ANKFY1: variants seen among roughly 807,000 people sequenced by gnomAD.
The protein encoded by ANKFY1 is ankyrin repeat and FYVE domain-containing protein 1.
Under a neutral mutation model 128.3 loss-of-function variants are expected in ANKFY1, and 47 were observed. The ratio of observed to expected loss-of-function variants is 0.37; its 90% CI spans 0.29 to 0.47. The LOEUF (loss-of-function observed/expected upper bound fraction) is 0.47. Among genes scored for constraint, ANKFY1 ranks in the 20% least tolerant of loss-of-function variants. The pLI is 1.00. For synonymous variants in ANKFY1, 553 were observed against 601.6 expected, an observed-to-expected ratio of 0.92 and a Z score of 1.18; for missense variants, 1,222 against 1,510.6, an observed-to-expected ratio of 0.81 and a Z score of 3.17.
chr17:4,192,617 T>C (rs959780683), intron 10 of ANKFY1, among the ~76,000 whole-genome samples: 2 of 152,222 alleles, frequency 1.3e-5, no homozygotes, highest in African/African-American at 2.4e-5. Flanking sequence ...AGACTCCTAG[T>C]TGATGGTTAA....
intron 13 of ANKFY1, 59 bp from the exon 14 acceptor site, chr17:4,183,610 A>G (rs2059556024): frequency 6.3e-7 from 1 of 1,593,686 alleles, no homozygotes; most frequent in Non-Finnish European, 8.6e-7. Context: ...TCAACATCTT[A>G]CTACAACAGC....
Position 4,181,298 on chromosome 17 carries a change from G to A in ANKFY1, c.2196C>T (p.Ala732=). The A allele has an allele frequency of 1.2e-6, 2 of 1,614,126 alleles. No homozygotes were observed. Among genetic ancestry groups the A allele is most frequent in the Non-Finnish European group, 1.7e-6 (2 of 1,179,988 alleles). The change falls in exon 16 of 25, where the codon GCC becomes GCT. Residue 732 remains alanine (A), a synonymous_variant. Coordinates refer to ENST00000341657, the MANE Select transcript of ANKFY1 (RefSeq NM_001330063.2). This position sits in a 1 kb window ranked among gnomAD's most constrained non-coding sequence, Gnocchi z 4.9. ...GGCLQTLLHR[A]IDENNEPTAC... ...CGGTGGGCTCGTTGTTTTCATCAATGGCTCTGTGCAGGAGCGTCTGAAGGC... is the reference window on the plus strand; with the variant it reads ...CGGTGGGCTCGTTGTTTTCATCAATAGCTCTGTGCAGGAGCGTCTGAAGGC...
At chr17:4,195,703 A>G (rs2304586) in intron 8 of ANKFY1, among the ~76,000 whole-genome samples, 36,659 of 152,038 alleles carry the variant, frequency 0.24, 4,935 homozygotes, top group Non-Finnish European at 0.3. Flanking sequence ...GTGATCTCAA[A>G]TACTCCCCAA....
chr17:4,258,354 T>C (rs2005251), intron 1 of ANKFY1, among the ~76,000 whole-genome samples: 79,682 of 151,774 alleles, frequency 0.53, 22,933 homozygotes, highest in East Asian at 0.8. Context: ...TGAAACCTCA[T>C]CTCTACCAAA....
At position 4,189,794 on chromosome 17, in the gene ANKFY1, C is replaced by T. The variant is rs188342441; in HGVS notation, c.1373-315G>A. 5.3e-5 allele frequency among the ~76,000 whole-genome samples: 8 copies of T among 152,202 alleles called. No homozygotes were observed. The East Asian group carries it at 7.7e-4, about 15-fold the overall frequency. On this transcript the variant is annotated intron_variant, in intron 10 of 24. Transcript: ENST00000341657. ...CAGTAGGTCCACGCCAGACAGTAAG[C>T]CCACGCCAGACAGTAGGTATCATTT...
chr17:4,202,149 TCCCAGCA>T (rs2059939019), intron 7 of ANKFY1, among the ~76,000 whole-genome samples: 1 of 152,036 alleles, frequency 6.6e-6, no homozygotes, highest in African/African-American at 2.4e-5. Flanking sequence ...CTGACTGTAA[TCCCAGCA>T]CTTTGGGAGG....
Position 4,166,230 on chromosome 17 carries a change from C to T in ANKFY1, c.*1549G>A, listed in dbSNP as rs910194155. 2.0e-5 allele frequency: 3 copies of T among 152,072 alleles called. No individual in the cohort carries two copies. Among genetic ancestry groups the T allele is most frequent in the African/African-American group, 7.2e-5 (3 of 41,398 alleles). The allele number at this position is 152,072 out of a possible 1,614,324, so 9.4% of individuals were successfully genotyped here. On this transcript the variant is annotated 3_prime_UTR_variant, in exon 25 of 25. Transcript: ENST00000341657. ...GGCAACAGAATGTATAAATCTACCG[C>T]AATACAGAGGACACACTATCCAGAA...
In ANKFY1 at chr17:4,242,238, G is replaced by A; in HGVS notation, c.203+18C>T. The stretch of plus-strand genomic sequence containing the variant: ...GGAATAAAGCCAAAGGGCCTTCTGT[G>A]TCTAGGAGCTCTCCCACCTGTACTG... On this transcript the variant is annotated intron_variant, in intron 2 of 24. Coordinates refer to ENST00000341657, the MANE Select transcript of ANKFY1 (RefSeq NM_001330063.2). The A allele has an allele frequency of 6.6e-7, 1 of 1,508,502 alleles. No homozygotes were observed. Among genetic ancestry groups the A allele is most frequent in the South Asian group, 1.3e-5 (1 of 76,636 alleles). 93.4% of individuals were successfully genotyped at this position (1,508,502 alleles called of 1,614,324 possible). A position where few individuals can be genotyped will look rare whatever the true frequency, so the allele number is the denominator to read the frequency against.
chr17:4,179,488 G>C (rs1372517793), intron 17 of ANKFY1: 1 of 581,982 alleles, frequency 1.7e-6, no homozygotes, highest in Non-Finnish European at 3.0e-6. Flanking sequence ...TGTAACTAAG[G>C]GGGAATAGGA....
rs1483255719 is a variant in ANKFY1 at position 4,166,364 on chromosome 17, T to C, written c.*1415A>G. Reference sequence around the variant, plus strand: ...AGTGGTTATTAAATGTCTGAAAGAATCAGTATGTATGATTGAGATTGTTAA... The same window carrying C: ...AGTGGTTATTAAATGTCTGAAAGAACCAGTATGTATGATTGAGATTGTTAA... On this transcript the variant is annotated 3_prime_UTR_variant, in exon 25 of 25. Coordinates refer to ENST00000341657, the MANE Select transcript of ANKFY1 (RefSeq NM_001330063.2). The C allele has an allele frequency of 2.0e-5, 3 of 152,790 alleles. No individual in the cohort carries two copies. The East Asian group carries it at 5.8e-4, about 29-fold the overall frequency. The allele number at this position is 152,790 out of a possible 1,614,324, so 9.5% of individuals were successfully genotyped here.
intron 3 of ANKFY1, among the ~76,000 whole-genome samples, chr17:4,230,964 G>A (rs959993584): frequency 2.0e-5 from 3 of 152,012 alleles, no homozygotes; most frequent in African/African-American, 7.2e-5. Flanking sequence ...ACTAATTATA[G>A]GCCCTATTTT....
chr17:4,184,899 T>C lies in ANKFY1; in HGVS notation c.1618A>G (p.Ser540Gly), dbSNP rs374369543. The part of the protein sequence containing the change: ...EAASLTSLAD[S>G]VHLQTPLHMA... ...TGCAGTGGCGTCTGCAGATGGACGC[T>C]GTCCGCCAAGCTGGTCAGGGATGCG... Residue 540 changes from serine to glycine, a missense_variant, in exon 12 of 25, where the codon AGC (serine) becomes GGC (glycine). Physicochemically the swap from Ser to Gly is moderately conservative, Grantham distance 56. Coordinates refer to ENST00000341657, the MANE Select transcript of ANKFY1 (RefSeq NM_001330063.2). 2.4e-5 allele frequency: 38 copies of C among 1,613,984 alleles called. No homozygotes were observed. The African/African-American group carries it at 4.8e-4, about 20-fold the overall frequency.
chr17:4,223,667 T>C (rs1295280531), intron 3 of ANKFY1: 4 of 1,600,644 alleles, frequency 2.5e-6, no homozygotes, highest in Non-Finnish European at 3.4e-6. Context: ...GATGGCCGCA[T>C]ACCTGAAAGA....
chr17:4,172,207 G>T (rs2059334276), intron 22 of ANKFY1, among the ~76,000 whole-genome samples: 2 of 152,168 alleles, frequency 1.3e-5, no homozygotes, highest in African/African-American at 4.8e-5. Flanking sequence ...TCCTTTTGAA[G>T]ATCCTGTGAG....
chr17:4,170,787 C>A lies in ANKFY1; in HGVS notation c.3214G>T (p.Val1072Leu). Residue 1072 changes from valine (V) to leucine (L), a missense_variant, in exon 23 of 25, where the codon GTG becomes TTG. By Grantham distance (32) the Val-to-Leu change is conservative (BLOSUM62 1). Coordinates refer to ENST00000341657, the MANE Select transcript of ANKFY1 (RefSeq NM_001330063.2). Reference sequence around the variant, plus strand: ...ATGTTGACTCCCTGGTTGTTATTCACCCCGAGGCGAGCCCCCGACCGGACG... The same window carrying A: ...ATGTTGACTCCCTGGTTGTTATTCAACCCGAGGCGAGCCCCCGACCGGACG... ...AIVRSGARLGVNNNQGVNIFN... is the reference protein window; with the variant it reads ...AIVRSGARLGLNNNQGVNIFN... 6.2e-7 allele frequency: 1 copy of A among 1,614,158 alleles called. No homozygotes were observed. The highest frequency in any genetic ancestry group is 8.5e-7 in the Non-Finnish European group (1 of 1,180,020).
chr17:4,262,532 A>G (rs991367402), intron 1 of ANKFY1, among the ~76,000 whole-genome samples: 3 of 152,106 alleles, frequency 2.0e-5, no homozygotes. Context: ...AAAGTGCTGA[A>G]ATTACTAGCG....
At chr17:4,179,679 C>A in intron 17 of ANKFY1, 42 bp downstream of exon 17, 1 of 1,603,422 alleles carries the variant, frequency 6.2e-7, no homozygotes, top group Non-Finnish European at 8.5e-7. Context: ...TTCCCTCATG[C>A]TGGGGCTACA....
At chr17:4,226,421 A>C (rs2060426508) in intron 3 of ANKFY1, among the ~76,000 whole-genome samples, 1 of 152,238 alleles carries the variant, frequency 6.6e-6, no homozygotes, top group South Asian at 2.1e-4. Context: ...CAGCTACTAA[A>C]AAATTCACAG....
At chr17:4,203,827 C>CAG (rs2059975707) in intron 7 of ANKFY1, among the ~76,000 whole-genome samples, 1 of 77,828 alleles carries the variant, frequency 1.3e-5, no homozygotes, top group South Asian at 6.8e-4. Context: ...ACAACAACAA[C>CAG]AAAAAAAAAA....
Sources: allele counts gnomAD v4.1 joint callset (sites outside exome capture counted in the v4.1 genomes callset), GRCh38; gene constraint gnomAD v4.1.1; non-coding constraint Gnocchi (gnomAD v3.1); transcripts MANE v1.5; gene names NCBI Gene and HGNC (gene_info 2026-07-23, HGNC 2026-07-21).